The following KCNAB1 variants were observed in gnomAD, a reference collection of about 807,000 sequenced individuals.
KCNAB1 encodes voltage-gated potassium channel subunit beta-1.
In KCNAB1, 35 loss-of-function variants were observed where a neutral mutation model predicts 64.6. The observed-to-expected ratio is 0.54, with a 90% CI of 0.41 to 0.72. The LOEUF is 0.72. Ranked by LOEUF, KCNAB1 falls within the 30% of genes least tolerant of loss-of-function variation. KCNAB1 has a pLI of 0.00. For missense variants in KCNAB1, 401 were observed against 512.9 expected (o/e 0.78, Z 2.11); for synonymous variants, 177 against 183.8 (o/e 0.96, Z 0.30).
intron 1 of KCNAB1, among the ~76,000 whole-genome samples, chr3:156,184,148 C>T (rs990495810): frequency 6.6e-5 from 10 of 152,118 alleles, no homozygotes; most frequent in Admixed American, 2.0e-4. Flanking sequence ...TTTTGTCCCT[C>T]ATAGGATCCA....
At chr3:156,325,273 T>C (rs1033212657) in intron 1 of KCNAB1, among the ~76,000 whole-genome samples, 1 of 152,160 alleles carries the variant, frequency 6.6e-6, no homozygotes, top group African/African-American at 2.4e-5. Flanking sequence ...GGGCTCAAGC[T>C]CTTAAACTTT....
chr3:156,383,299 C>G (rs1464875155), intron 1 of KCNAB1, among the ~76,000 whole-genome samples: 3 of 152,186 alleles, frequency 2.0e-5, no homozygotes, highest in Non-Finnish European at 4.4e-5. Context: ...AACAATTCAA[C>G]ATTTCCTGCC....
At chr3:156,407,690 T>A (rs1714341194) in intron 1 of KCNAB1, among the ~76,000 whole-genome samples, 1 of 152,220 alleles carries the variant, frequency 6.6e-6, no homozygotes, top group South Asian at 2.1e-4. Flanking sequence ...TAGGCAACGT[T>A]ACCTCAGTTC....
chr3:156,454,332 T>C (rs922072473), intron 3 of KCNAB1, among the ~76,000 whole-genome samples: 2 of 152,168 alleles, frequency 1.3e-5, no homozygotes, highest in African/African-American at 4.8e-5. Context: ...AAAGCTGAGA[T>C]GGTTCTGCAG....
intron 8 of KCNAB1, among the ~76,000 whole-genome samples, chr3:156,504,633 G>GT (rs950404919): frequency 2.3e-4 from 35 of 150,064 alleles, no homozygotes; most frequent in Non-Finnish European, 4.3e-4. Context: ...CCTTGTTTTT[G>GT]TTTTTTTAGA....
intron 1 of KCNAB1, among the ~76,000 whole-genome samples, chr3:156,356,917 T>G (rs956262307): frequency 9.2e-5 from 14 of 152,218 alleles, no homozygotes; most frequent in South Asian, 4.1e-4. Flanking sequence ...ATAATTACTC[T>G]AGTTGGCTCT....
chr3:156,309,732 C>T (rs183514873), intron 1 of KCNAB1, among the ~76,000 whole-genome samples: 10 of 152,316 alleles, frequency 6.6e-5, no homozygotes, highest in South Asian at 2.1e-4. Flanking sequence ...CCTATGCTTA[C>T]GAAAGGAGTG....
chr3:156,240,916 G>C (rs538655358), intron 1 of KCNAB1, among the ~76,000 whole-genome samples: 18 of 151,418 alleles, frequency 1.2e-4, no homozygotes, highest in Non-Finnish European at 2.2e-4. Context: ...TAACCACTAT[G>C]GGTAATTGGA....
chr3:156,482,871 A>G (rs1191340862), intron 8 of KCNAB1, among the ~76,000 whole-genome samples: 1 of 152,080 alleles, frequency 6.6e-6, no homozygotes, highest in Non-Finnish European at 1.5e-5. Flanking sequence ...TTTATGCAGG[A>G]AATTACCTTG....
chr3:156,476,290 C>T (rs1283743720), intron 8 of KCNAB1, among the ~76,000 whole-genome samples: 2 of 151,998 alleles, frequency 1.3e-5, no homozygotes, highest in Non-Finnish European at 2.9e-5. Context: ...TCTTATCCCT[C>T]ACTCCTCTCC....
chr3:156,518,453 G>C (rs1362646665), intron 11 of KCNAB1, among the ~76,000 whole-genome samples: 14 of 129,876 alleles, frequency 1.1e-4, no homozygotes, highest in Non-Finnish European at 3.1e-5. Context: ...TGCCATGAAA[G>C]AGAAAGAGAA....
At chr3:156,314,464 A>G (rs1026857012) in intron 1 of KCNAB1, among the ~76,000 whole-genome samples, 5 of 152,294 alleles carry the variant, frequency 3.3e-5, no homozygotes, top group African/African-American at 9.6e-5. Context: ...AAGGCCACCC[A>G]ACCTGCCTGA....
At chr3:156,119,410 A>C (rs1713221834), upstream of KCNAB1, among the ~76,000 whole-genome samples, 1 of 152,216 alleles carries the variant, frequency 6.6e-6, no homozygotes, top group East Asian at 1.9e-4. Context: ...CTATTGACAG[A>C]CTTTCCAAAA....
chr3:156,333,948 A>C (rs1723513703), intron 1 of KCNAB1, among the ~76,000 whole-genome samples: 2 of 127,002 alleles, frequency 1.6e-5, no homozygotes, highest in South Asian at 5.1e-4. Context: ...TGCGCTCTTT[A>C]TAAAAAAATT....
intron 1 of KCNAB1, among the ~76,000 whole-genome samples, chr3:156,302,328 C>A (rs886403734): frequency 2.0e-5 from 3 of 152,108 alleles, no homozygotes; most frequent in Non-Finnish European, 4.4e-5. Flanking sequence ...GTAATATGTG[C>A]GCAGTTTCCA....
rs865863834 is a variant in KCNAB1, at chr3:156,239,533, G to A, written c.275+118647G>A. Among the ~76,000 whole-genome samples the A allele has an allele frequency of 2.0e-5, 3 of 152,170 alleles. No homozygotes were observed. The South Asian group carries it at 6.2e-4, about 32-fold the overall frequency. On this transcript the variant is annotated intron_variant, in intron 1 of 13. Transcript: ENST00000490337. ...CCTTCTCCAGCCACTACTCTGTGGTGGTTGCAACCTCATCCATGTTGAAAA... is the reference window on the plus strand; with the variant it reads ...CCTTCTCCAGCCACTACTCTGTGGTAGTTGCAACCTCATCCATGTTGAAAA...
chr3:156,246,332 G>A (rs141638808), intron 1 of KCNAB1, among the ~76,000 whole-genome samples: 2,020 of 152,206 alleles, frequency 0.013, 48 homozygotes, highest in African/African-American at 0.046. Flanking sequence ...TAGGCCAGGC[G>A]CGGTGGCTCA....
chr3:156,430,615 G>T (rs778795643), intron 2 of KCNAB1, among the ~76,000 whole-genome samples: 1 of 152,114 alleles, frequency 6.6e-6, no homozygotes, highest in Non-Finnish European at 1.5e-5. Flanking sequence ...AGGGAGAGGC[G>T]ATATGTCTTG....
chr3:156,478,336 A>T (rs992352129), intron 8 of KCNAB1, among the ~76,000 whole-genome samples: 1 of 152,186 alleles, frequency 6.6e-6, no homozygotes, highest in Non-Finnish European at 1.5e-5. Context: ...ATTTATTAAT[A>T]CTATGGACCC....
Sources: gnomAD v4.1 joint callset for allele counts (sites outside exome capture counted in the v4.1 genomes callset) on GRCh38, gnomAD v4.1.1 for gene constraint, MANE v1.5 for transcripts, NCBI Gene and HGNC (gene_info 2026-07-23, HGNC 2026-07-21) for gene names.